Variants in KLHL5 observed in about 807,000 individuals in gnomAD.
The protein encoded by KLHL5 is kelch-like protein 5.
A neutral mutation model predicts 77.7 loss-of-function variants in KLHL5; 48 were observed. The ratio of observed to expected loss-of-function variants is 0.62; its 90% CI spans 0.49 to 0.79. KLHL5 has a LOEUF of 0.79. Among genes scored for constraint, KLHL5 ranks in the 30% least tolerant of loss-of-function variants. The pLI, the probability that KLHL5 is intolerant of heterozygous loss-of-function variation, is 0.00. For missense variants in KLHL5, 723 were observed against 859.7 expected (o/e 0.84, Z 1.99); for synonymous variants, 260 against 297.0 (o/e 0.88, Z 1.28).
intron 10 of KLHL5, 129 bp downstream of exon 10, chr4:39,115,459 T>A: frequency 6.5e-7 from 1 of 1,528,166 alleles, no homozygotes; most frequent in Non-Finnish European, 8.8e-7. Context: ...CACGTTTTGA[T>A]TAGCGATGAG....
chr4:39,126,553 G>C (rs767177164), downstream of KLHL5: 1 of 351,250 alleles, frequency 2.8e-6, no homozygotes, highest in Non-Finnish European at 5.6e-6. Context: ...GTAATTATTT[G>C]GGCTAACGAG....
At chr4:39,109,893 C>T (rs963171169) in intron 8 of KLHL5, among the ~76,000 whole-genome samples, 13 of 152,126 alleles carry the variant, frequency 8.5e-5, no homozygotes, top group Middle Eastern at 3.4e-3. Flanking sequence ...ACCATGTCGG[C>T]CAGGCTGGTC....
the KLHL5 span, among the ~76,000 whole-genome samples, chr4:39,132,587 G>A: frequency 6.6e-5 from 10 of 151,586 alleles, no homozygotes; most frequent in Non-Finnish European, 1.2e-4. Flanking sequence ...CAGCCTGGGC[G>A]ACAGAGTGAG....
chr4:39,134,349 T>A, the KLHL5 span, among the ~76,000 whole-genome samples: 1 of 152,242 alleles, frequency 6.6e-6, no homozygotes, highest in South Asian at 2.1e-4. Context: ...CTGTACTAAG[T>A]AAGCATTTCA....
chr4:39,052,798 G>T (rs1716747767), intron 1 of KLHL5, among the ~76,000 whole-genome samples: 1 of 152,198 alleles, frequency 6.6e-6, no homozygotes, highest in Non-Finnish European at 1.5e-5. Flanking sequence ...GTTTCTGCAT[G>T]GTTCTTTGGA....
intron 1 of KLHL5, among the ~76,000 whole-genome samples, chr4:39,045,807 G>T (rs149546047): frequency 8.6e-4 from 131 of 152,108 alleles, no homozygotes; most frequent in African/African-American, 3.0e-3. Context: ...AAAAGGGGCA[G>T]ACAGGCTCAC....
At chr4:39,044,952 T>C (rs1327362131), upstream of KLHL5, 7 of 890,014 alleles carry the variant, frequency 7.9e-6, no homozygotes, top group East Asian at 1.1e-3. Flanking sequence ...GCGCCGGGGA[T>C]GAGGCTGCCC....
At chr4:39,112,708 T>C (rs759186537) in intron 8 of KLHL5, 2 of 311,424 alleles carry the variant, frequency 6.4e-6, no homozygotes, top group Non-Finnish European at 1.2e-5. Context: ...TTCTAAGACA[T>C]ATTTTAACAC....
chr4:39,097,941 G>T (rs1383514375), intron 6 of KLHL5, among the ~76,000 whole-genome samples: 1 of 151,836 alleles, frequency 6.6e-6, no homozygotes, highest in Non-Finnish European at 1.5e-5. Flanking sequence ...GACCAGCATG[G>T]GCAATATGGT....
the KLHL5 span, among the ~76,000 whole-genome samples, chr4:39,142,334 G>T: frequency 1.3e-5 from 2 of 151,704 alleles, no homozygotes; most frequent in African/African-American, 4.8e-5. Flanking sequence ...AGCGGAGGTT[G>T]CAGTGAGCTG....
At chr4:39,115,058 A>G (rs1722736647) in intron 9 of KLHL5, 101 bp from the exon 10 acceptor site, 8 of 991,872 alleles carry the variant, frequency 8.1e-6, no homozygotes, top group African/African-American at 3.3e-5. Flanking sequence ...ATTTGATTAC[A>G]TAGTAGATAA....
At chr4:39,073,907 CT>C (rs1277332173) in intron 1 of KLHL5, among the ~76,000 whole-genome samples, 1 of 151,552 alleles carries the variant, frequency 6.6e-6, no homozygotes, top group Non-Finnish European at 1.5e-5. Context: ...ACCTCATGAT[CT>C]ACCCTCCTCG....
intron 1 of KLHL5, among the ~76,000 whole-genome samples, chr4:39,065,688 C>A (rs1401914423): frequency 1.3e-5 from 2 of 151,990 alleles, no homozygotes; most frequent in Admixed American, 6.6e-5. Flanking sequence ...TGGAACAATT[C>A]TTTTTCTTAT....
intron 1 of KLHL5, among the ~76,000 whole-genome samples, chr4:39,048,883 C>T (rs1472977448): frequency 6.6e-6 from 1 of 151,932 alleles, no homozygotes; most frequent in African/African-American, 2.4e-5. Flanking sequence ...ACCTCATGAT[C>T]CACCTGCCTC....
At chr4:39,078,385 CA>C (rs34715117) in intron 2 of KLHL5, among the ~76,000 whole-genome samples, 104,056 of 144,614 alleles carry the variant, frequency 0.72, 37,021 homozygotes, top group East Asian at 0.82. Flanking sequence ...GACCCTGTCT[CA>C]AAAAAAAAAA....
At chr4:39,095,878 A>G (rs556069902) in intron 5 of KLHL5, among the ~76,000 whole-genome samples, 1 of 151,802 alleles carries the variant, frequency 6.6e-6, no homozygotes, top group South Asian at 2.1e-4. Context: ...ATATATTTAT[A>G]TATGTTATAC....
chr4:39,093,057 T>C (rs1240158926), intron 5 of KLHL5: 1 of 455,606 alleles, frequency 2.2e-6, no homozygotes, highest in East Asian at 7.0e-5. Flanking sequence ...ATAAACGTTC[T>C]TGGCAGCTTT....
downstream of KLHL5, among the ~76,000 whole-genome samples, chr4:39,129,186 C>CTTT (rs34334896): frequency 1.4e-5 from 2 of 138,232 alleles, no homozygotes; most frequent in Non-Finnish European, 3.1e-5. This position sits in a 1 kb window ranked among gnomAD's most constrained non-coding sequence, Gnocchi z 4.2. Flanking sequence ...ACAATTACAA[C>CTTT]TTTTTTTTTT....
At chr4:39,113,393 T>A in intron 9 of KLHL5, 161 bp downstream of exon 9, 1 of 609,936 alleles carries the variant, frequency 1.6e-6, no homozygotes, top group Non-Finnish European at 2.8e-6. Flanking sequence ...CAGGAAGTGA[T>A]ACTTCCAGAA....
Sources: allele counts gnomAD v4.1 joint callset (sites outside exome capture counted in the v4.1 genomes callset), GRCh38; gene constraint gnomAD v4.1.1; non-coding constraint Gnocchi (gnomAD v3.1); transcripts MANE v1.5; gene names NCBI Gene and HGNC (gene_info 2026-07-23, HGNC 2026-07-21).